Variants in DYM observed in about 807,000 individuals in gnomAD.
DYM encodes dyggve-Melchior-Clausen syndrome protein.
In DYM, 78 loss-of-function variants were observed where a neutral mutation model predicts 93.1. The ratio of observed to expected loss-of-function variants is 0.84; its 90% CI spans 0.70 to 1.01. The LOEUF (loss-of-function observed/expected upper bound fraction) is 1.01, where lower values mean the gene tolerates loss of function less well. Ranked by LOEUF, DYM falls within the 50% of genes least tolerant of loss-of-function variation. The pLI, the probability that DYM is intolerant of heterozygous loss-of-function variation, is 0.00. For missense variants in DYM, 789 were observed against 845.0 expected (o/e 0.93, Z 0.82); for synonymous variants, 321 against 319.7 (o/e 1.00, Z -0.04).
intron 8 of DYM, among the ~76,000 whole-genome samples, chr18:49,292,624 A>AC (rs2060233954): frequency 2.2e-4 from 14 of 65,052 alleles, no homozygotes; most frequent in African/African-American, 5.4e-4. Flanking sequence ...AAAAAAAAAA[A>AC]ACCCCCACAA....
At chr18:49,079,424 A>G (rs1346514801) in intron 17 of DYM, among the ~76,000 whole-genome samples, 1 of 142,404 alleles carries the variant, frequency 7.0e-6, no homozygotes, top group South Asian at 2.2e-4. Context: ...TATTTTTTTT[A>G]TTGATCATTC....
intron 2 of DYM, among the ~76,000 whole-genome samples, chr18:49,422,980 C>G (rs1176516842): frequency 2.0e-5 from 3 of 152,058 alleles, no homozygotes; most frequent in Admixed American, 6.6e-5. Flanking sequence ...CAACATTAGA[C>G]AGATCAAGAC....
At chr18:49,220,534 A>T (rs1416980051) in intron 13 of DYM, among the ~76,000 whole-genome samples, 2 of 151,168 alleles carry the variant, frequency 1.3e-5, no homozygotes, top group Admixed American at 1.3e-4. Context: ...CCAAAACAGC[A>T]TGGTACTGGT....
intron 11 of DYM, among the ~76,000 whole-genome samples, chr18:49,264,619 C>A (rs1346056959): frequency 1.3e-5 from 2 of 152,148 alleles, no homozygotes; most frequent in African/African-American, 4.8e-5. Context: ...GATTACTGTT[C>A]CGGGTCTCTA....
At chr18:49,345,799 G>A (rs568341746) in intron 6 of DYM, among the ~76,000 whole-genome samples, 1 of 151,958 alleles carries the variant, frequency 6.6e-6, no homozygotes, top group South Asian at 2.1e-4. Context: ...AAGTCAACAG[G>A]CAAACTGAAA....
chr18:49,216,897 G>A (rs1217571280), intron 13 of DYM, among the ~76,000 whole-genome samples: 4 of 152,230 alleles, frequency 2.6e-5, no homozygotes, highest in Admixed American at 6.5e-5. Context: ...GAACAAAGCT[G>A]GACGGAGAAT....
chr18:49,311,037 T>C (rs1400874401), intron 8 of DYM, among the ~76,000 whole-genome samples: 2 of 152,256 alleles, frequency 1.3e-5, no homozygotes, highest in South Asian at 2.1e-4. Flanking sequence ...GAATTTGTTG[T>C]GTATTTTCCA....
chr18:49,374,365 C>CA (rs1404215027), intron 5 of DYM, among the ~76,000 whole-genome samples: 2 of 152,032 alleles, frequency 1.3e-5, no homozygotes, highest in African/African-American at 2.4e-5. Context: ...TCAAGACCAG[C>CA]AAAAAATCTA....
intron 17 of DYM, among the ~76,000 whole-genome samples, chr18:49,074,794 G>C (rs897064404): frequency 6.6e-6 from 1 of 152,206 alleles, no homozygotes; most frequent in Admixed American, 6.5e-5. Context: ...CAAAGCACAT[G>C]AGTTTCTTAT....
chr18:49,442,595 T>G (rs936651969), intron 1 of DYM, among the ~76,000 whole-genome samples: 1 of 151,984 alleles, frequency 6.6e-6, no homozygotes. Context: ...AAAGGAATCA[T>G]AGAAAACAGA....
intron 13 of DYM, among the ~76,000 whole-genome samples, chr18:49,250,655 TGAA>T (rs1329141665): frequency 2.0e-5 from 3 of 152,066 alleles, no homozygotes; most frequent in African/African-American, 7.2e-5. Context: ...CTCAGCAAGT[TGAA>T]GAAGCCACTG....
intron 10 of DYM, among the ~76,000 whole-genome samples, chr18:49,275,108 C>T (rs528579658): frequency 3.2e-4 from 49 of 152,224 alleles, no homozygotes; most frequent in Admixed American, 1.2e-3. Context: ...ATAGTTTTAG[C>T]TCTTTTTAGG....
At chr18:49,071,545 T>C (rs112216661) in intron 17 of DYM, among the ~76,000 whole-genome samples, 4,110 of 152,284 alleles carry the variant, frequency 0.027, 67 homozygotes, top group South Asian at 0.066. Flanking sequence ...GGGGTTCAGA[T>C]TATGAGCAAA....
chr18:49,203,238 GC>G (rs377269742), intron 14 of DYM, among the ~76,000 whole-genome samples: 12,431 of 34,180 alleles, frequency 0.36, 2,745 homozygotes, highest in Non-Finnish European at 0.49. Flanking sequence ...GGGGGGGTCA[GC>G]CCCCCCTGCC....
chr18:49,356,111 T>G (rs888748005), intron 6 of DYM, among the ~76,000 whole-genome samples: 3 of 152,138 alleles, frequency 2.0e-5, no homozygotes, highest in Admixed American at 6.5e-5. Context: ...GAAAAGAAAT[T>G]ACTCTGTAAA....
intron 8 of DYM, chr18:49,321,190 A>G (rs1055866589): frequency 5.1e-6 from 2 of 392,454 alleles, no homozygotes; most frequent in African/African-American, 4.1e-5. Flanking sequence ...ACAATTTACA[A>G]CTCAGTCTCA....
chr18:49,399,013 A>G (rs2070453385), intron 2 of DYM, among the ~76,000 whole-genome samples: 3 of 152,238 alleles, frequency 2.0e-5, no homozygotes, highest in South Asian at 4.1e-4. Context: ...TTTCAATTAT[A>G]CACATATGGC....
At chr18:49,445,266 A>G (rs140920310) in intron 1 of DYM, among the ~76,000 whole-genome samples, 1 of 152,306 alleles carries the variant, frequency 6.6e-6, no homozygotes, top group Non-Finnish European at 1.5e-5. Context: ...CTCCTAACCT[A>G]CATGAATAAA....
intron 14 of DYM, among the ~76,000 whole-genome samples, chr18:49,169,105 G>A (rs190133502): frequency 6.6e-6 from 1 of 152,280 alleles, no homozygotes; most frequent in Non-Finnish European, 1.5e-5. Flanking sequence ...CCAGCGCCTA[G>A]TATGTGCCAG....
Sources: gnomAD v4.1 joint callset for allele counts (sites outside exome capture counted in the v4.1 genomes callset) on GRCh38, gnomAD v4.1.1 for gene constraint, MANE v1.5 for transcripts, NCBI Gene and HGNC (gene_info 2026-07-23, HGNC 2026-07-21) for gene names.